The following NSD1 variants were observed in gnomAD, a reference collection of about 807,000 sequenced individuals.
The protein encoded by NSD1 is histone-lysine N-methyltransferase, H3 lysine-36 specific.
In NSD1, 26 loss-of-function variants were observed where a neutral mutation model predicts 242.7. The observed-to-expected ratio is 0.11, with a 90% CI of 0.08 to 0.15. The LOEUF (loss-of-function observed/expected upper bound fraction) is 0.15, where lower values mean the gene tolerates loss of function less well. NSD1 is among the 10% of genes least tolerant of loss of function. NSD1 has a pLI of 1.00. For missense variants in NSD1, 2,495 were observed against 3,272.8 expected (o/e 0.76, Z 5.80); for synonymous variants, 1,106 against 1,178.1 (o/e 0.94, Z 1.25).
chr5:177,246,571 G>T, intron 9 of NSD1, 107 bp from the exon 10 acceptor site: 1 of 791,650 alleles, frequency 1.3e-6, no homozygotes. Context: ...CCACAAAGCT[G>T]GAGAATTAAA....
At chr5:177,212,768 T>G (rs1192315240) in intron 5 of NSD1, among the ~76,000 whole-genome samples, 1 of 152,000 alleles carries the variant, frequency 6.6e-6, no homozygotes, top group Non-Finnish European at 1.5e-5. Context: ...GATGGTAGTT[T>G]CTTTTTTTTT....
chr5:177,209,573 T>A, intron 4 of NSD1, 63 bp from the exon 5 acceptor site: 38 of 1,017,132 alleles, frequency 3.7e-5, no homozygotes, highest in Non-Finnish European at 5.5e-5. Flanking sequence ...TCTGATTTCA[T>A]CTCCCTTTTC....
chr5:177,214,636 T>G (rs966491756), intron 5 of NSD1, among the ~76,000 whole-genome samples: 3 of 151,724 alleles, frequency 2.0e-5, no homozygotes, highest in Admixed American at 6.6e-5. Flanking sequence ...GTTTTCAAGG[T>G]TCATCCATGT....
chr5:177,152,473 ATTCTT>A (rs1044631158), intron 2 of NSD1, among the ~76,000 whole-genome samples: 4 of 134,484 alleles, frequency 3.0e-5, no homozygotes, highest in Non-Finnish European at 6.3e-5. Flanking sequence ...GGTTCAAGCG[ATTCTT>A]TTTTTTTTTT....
In NSD1 at chr5:177,210,224, C is replaced by A. The variant is rs771243523; in HGVS notation, c.1825C>A (p.Pro609Thr). 1 of 1,595,170 alleles carries A rather than the reference C, an allele frequency of 6.3e-7. No homozygotes were observed. The highest frequency in any genetic ancestry group is 8.5e-7 in the Non-Finnish European group (1 of 1,171,620). Residue 609 changes from proline (P) to threonine (T), a missense_variant, in exon 5 of 23, where the codon CCC (proline) becomes ACC (threonine). Pro to Thr is a conservative substitution (Grantham distance 38). Coordinates refer to ENST00000439151, the MANE Select transcript of NSD1 (RefSeq NM_022455.5). The stretch of plus-strand genomic sequence containing the variant: ...AAAGTGTTCTCGAGAGAAGAATAAA[C>A]CCCAACGAAGCCTGGTGTGTGGTTC... Reference protein sequence around the residue: ...ISKCSREKNKPQRSLVCGSKV... With the variant: ...ISKCSREKNKTQRSLVCGSKV...
Position 177,298,642 on chromosome 5 carries a change from TTA to T in NSD1, c.*3184_*3185del. Reference sequence around the variant, plus strand: ...TTGATGAAAATAGTTATTTTATTCTTTACATCCTTCACCCCACACTATGGTCA... The same window carrying T: ...TTGATGAAAATAGTTATTTTATTCTTCATCCTTCACCCCACACTATGGTCA... On this transcript the variant is annotated 3_prime_UTR_variant, in exon 23 of 23. Coordinates refer to ENST00000439151, the MANE Select transcript of NSD1 (RefSeq NM_022455.5). 1 of 233,328 alleles carries T rather than the reference TTA, an allele frequency of 4.3e-6. No homozygotes were observed. Among genetic ancestry groups the T allele is most frequent in the Non-Finnish European group, 8.5e-6 (1 of 118,056 alleles). 14.5% of individuals were successfully genotyped at this position (233,328 alleles called of 1,614,324 possible). A position where few individuals can be genotyped will look rare whatever the true frequency, so the allele number is the denominator to read the frequency against.
intron 2 of NSD1, among the ~76,000 whole-genome samples, chr5:177,142,626 G>A (rs1756919990): frequency 6.6e-6 from 1 of 152,188 alleles, no homozygotes; most frequent in African/African-American, 2.4e-5. Context: ...TATATGCCGT[G>A]CTGTATAGTT....
intron 2 of NSD1, among the ~76,000 whole-genome samples, chr5:177,165,504 C>T (rs1296104327): frequency 1.3e-5 from 2 of 151,964 alleles, no homozygotes; most frequent in African/African-American, 4.8e-5. Context: ...GTAAGAATTC[C>T]TTATATATTT....
chr5:177,293,539 C>G (rs959305928), intron 22 of NSD1, among the ~76,000 whole-genome samples: 1 of 144,808 alleles, frequency 6.9e-6, no homozygotes, highest in African/African-American at 2.6e-5. Context: ...CCCCCGCCCC[C>G]CCCTCACCTC....
chr5:177,136,913 C>G, intron 2 of NSD1: 1 of 701,202 alleles, frequency 1.4e-6, no homozygotes, highest in South Asian at 1.5e-5. Flanking sequence ...CGTCGGGACT[C>G]CTGGGCTCAT....
intron 2 of NSD1, among the ~76,000 whole-genome samples, chr5:177,173,495 C>T (rs190945129): frequency 0.019 from 1,786 of 93,994 alleles, 62 homozygotes; most frequent in African/African-American, 0.077. Flanking sequence ...TTTTTTGCGA[C>T]GGAGTTTCAC....
chr5:177,291,970 C>T lies in NSD1; in HGVS notation c.6275C>T (p.Thr2092Met), dbSNP rs758308969. 2.5e-6 allele frequency: 4 copies of T among 1,613,616 alleles called. No homozygotes were observed. The highest frequency in any genetic ancestry group is 1.1e-5 in the South Asian group (1 of 91,000). ...GVRPKNQPIA[T>M]EEKSKKFKKK... ...GACCTGTAGAATCAACCCATTGCCA[C>T]GGAAGAAAAGTCAAAGAAATTCAAG... Residue 2092 changes from threonine (T) to methionine (M), a missense_variant, in exon 22 of 23, where the codon ACG becomes ATG. Transcript: ENST00000439151.
intron 2 of NSD1, among the ~76,000 whole-genome samples, chr5:177,158,306 CTTTCT>C (rs2149785616): frequency 3.2e-5 from 4 of 125,986 alleles, no homozygotes; most frequent in African/African-American, 1.3e-4. Context: ...TCTTTCTTTT[CTTTCT>C]TTTCTTTCTT....
chr5:177,242,273 TA>T (rs981741992), intron 8 of NSD1, among the ~76,000 whole-genome samples: 2 of 151,932 alleles, frequency 1.3e-5, no homozygotes, highest in African/African-American at 2.4e-5. Context: ...ATTGCTATTT[TA>T]AAAAAAATTA....
rs1460848745 is a variant in NSD1 at position 177,134,145 on chromosome 5, C to G, written c.-18+193C>G. 1 of 151,414 alleles carries G rather than the reference C, an allele frequency of 6.6e-6. No individual in the cohort carries two copies. Among genetic ancestry groups the G allele is most frequent in the South Asian group, 2.1e-4 (1 of 4,816 alleles). The allele number at this position is 151,414 out of a possible 1,614,324, so 9.4% of individuals were successfully genotyped here. A position where few individuals can be genotyped will look rare whatever the true frequency, so the allele number is the denominator to read the frequency against. On this transcript the variant is annotated intron_variant, in intron 1 of 22. Transcript: ENST00000439151. This position sits in a 1 kb window ranked among gnomAD's most constrained non-coding sequence, Gnocchi z 4.2. Reference sequence around the variant, plus strand: ...CTCCCCCTCCTCCATCACTACCAGCCGGGCTCAGGCCTAGCTGGCCGGGCT... The same window carrying G: ...CTCCCCCTCCTCCATCACTACCAGCGGGGCTCAGGCCTAGCTGGCCGGGCT...
chr5:177,266,681 A>C (rs1757504329), intron 14 of NSD1: 1 of 317,278 alleles, frequency 3.2e-6, no homozygotes, highest in Non-Finnish European at 5.7e-6. Context: ...AGTGAGAACA[A>C]GATTAACTCG....
chr5:177,276,122 G>T (rs1032394496), intron 17 of NSD1, among the ~76,000 whole-genome samples: 6 of 152,066 alleles, frequency 3.9e-5, no homozygotes, highest in African/African-American at 1.4e-4. Flanking sequence ...TAGAGTTGGG[G>T]TTTCACCATG....
Position 177,211,565 on chromosome 5 carries a change from C to G in NSD1, c.3166C>G (p.Leu1056Val), listed in dbSNP as rs766548606. ...CTTAAAGACCGAGCGCAAAAGAAAA[C>G]TGAATCAGCTTCCAAGTGTGACTCT... ...KALKTERKRKLNQLPSVTLDA... is the reference protein window; with the variant it reads ...KALKTERKRKVNQLPSVTLDA... The change falls in exon 5 of 23, where the codon CTG becomes GTG. Residue 1056 changes from leucine (L) to valine (V), a missense_variant. Leu to Val is a conservative substitution (Grantham distance 32, BLOSUM62 1). Coordinates refer to ENST00000439151, the MANE Select transcript of NSD1 (RefSeq NM_022455.5). 6.2e-7 allele frequency: 1 copy of G among 1,614,060 alleles called. No individual in the cohort carries two copies. The highest frequency in any genetic ancestry group is 1.1e-5 in the South Asian group (1 of 91,084).
chr5:177,267,128 G>T (rs748432909), intron 14 of NSD1, among the ~76,000 whole-genome samples: 15 of 152,184 alleles, frequency 9.9e-5, no homozygotes, highest in Non-Finnish European at 2.1e-4. Context: ...AAAGTGCTGG[G>T]ATTACAGGCC....
Sources: allele counts gnomAD v4.1 joint callset (sites outside exome capture counted in the v4.1 genomes callset), GRCh38; gene constraint gnomAD v4.1.1; non-coding constraint Gnocchi (gnomAD v3.1); transcripts MANE v1.5; gene names NCBI Gene and HGNC (gene_info 2026-07-23, HGNC 2026-07-21).